Variants in USP6NL observed in about 807,000 individuals in gnomAD.
USP6NL encodes USP6 N-terminal-like protein.
Under a neutral mutation model 61.9 loss-of-function variants are expected in USP6NL, and 26 were observed. The observed-to-expected ratio is 0.42, with a 90% CI of 0.31 to 0.58. USP6NL has a LOEUF of 0.58. Ranked by LOEUF, USP6NL falls within the 20% of genes least tolerant of loss-of-function variation. The probability of loss-of-function intolerance (pLI) is 0.16; values close to 1 mark genes in which losing one functional copy is unlikely to be tolerated. For synonymous variants in USP6NL, 432 were observed against 390.1 expected (o/e 1.11, Z -1.27); for missense variants, 1,114 against 1,034.3 (o/e 1.08, Z -1.06).
At chr10:11,519,256 ATTGT>A (rs1166239333) in intron 4 of USP6NL, among the ~76,000 whole-genome samples, 2 of 152,182 alleles carry the variant, frequency 1.3e-5, no homozygotes, top group East Asian at 3.9e-4. Context: ...ATAATCAATG[ATTGT>A]TTAAAAAAAT....
At chr10:11,604,904 C>T (rs147692718) in intron 1 of USP6NL, among the ~76,000 whole-genome samples, 1 of 152,116 alleles carries the variant, frequency 6.6e-6, no homozygotes, top group African/African-American at 2.4e-5. Flanking sequence ...AAAGTATCTT[C>T]TCATACTATA....
At chr10:11,471,344 G>A (rs185659363) in intron 14 of USP6NL, among the ~76,000 whole-genome samples, 1 of 152,350 alleles carries the variant, frequency 6.6e-6, no homozygotes, top group African/African-American at 2.4e-5. Context: ...TGGAGAGGAT[G>A]TGGAGAAATA....
rs774836749 is a variant in USP6NL at position 11,518,571 on chromosome 10, C to A, written c.159G>T (p.Glu53Asp). 10 of 1,612,262 alleles carry A rather than the reference C, an allele frequency of 6.2e-6. No individual in the cohort carries two copies. Among genetic ancestry groups the A allele is most frequent in the Non-Finnish European group, 7.6e-6 (9 of 1,179,262 alleles). ...KVTDRFGFLH[E>D]EELPDHNVAV... ...CCACATTATGATCTGGGAGCTCCTC[C>A]TCACTGCAGAGGAAAAACAGTATTA... The change falls in exon 5 of 15, where the codon GAG (glutamate) becomes GAT (aspartate). Residue 53 changes from glutamate (E) to aspartate (D), a missense_variant. Transcript: ENST00000609104. This position sits in a 1 kb window ranked among gnomAD's most constrained non-coding sequence, Gnocchi z 5.3.
chr10:11,475,020 T>G (rs746893983), intron 14 of USP6NL, among the ~76,000 whole-genome samples: 6 of 152,190 alleles, frequency 3.9e-5, no homozygotes, highest in Non-Finnish European at 7.3e-5. Flanking sequence ...TCTTTGATTC[T>G]TCTATCTAGG....
rs1387972126 is a variant in USP6NL, at chr10:11,540,163, G to C, written c.5-12596C>G. 6.6e-6 allele frequency among the ~76,000 whole-genome samples: 1 copy of C among 152,174 alleles called. No individual in the cohort carries two copies. Among genetic ancestry groups the C allele is most frequent in the African/African-American group, 2.4e-5 (1 of 41,438 alleles). ...TAACAGCTGTACTTTCTGGATTCTA[G>C]TAGCCCTCCAATCTCATTACATGAA... On this transcript the variant is annotated intron_variant, in intron 2 of 14. Transcript: ENST00000609104. This position sits in a 1 kb window ranked among gnomAD's most constrained non-coding sequence, Gnocchi z 5.0.
At chr10:11,488,754 A>G (rs1242960833) in intron 10 of USP6NL, among the ~76,000 whole-genome samples, 1 of 152,236 alleles carries the variant, frequency 6.6e-6, no homozygotes, top group African/African-American at 2.4e-5. Context: ...TTTCATGACC[A>G]TCTAAAAGTT....
rs1450964741 is a variant in USP6NL, at chr10:11,596,449, G to A, written c.4+1182C>T. 2.0e-5 allele frequency among the ~76,000 whole-genome samples: 3 copies of A among 151,910 alleles called. No homozygotes were observed. Among genetic ancestry groups the A allele is most frequent in the South Asian group, 2.1e-4 (1 of 4,818 alleles). ...ATCCTGACTAACACGGTGAAACCCC[G>A]TCTCTACTAAAAATACAAAAAAAAA... On this transcript the variant is annotated intron_variant, in intron 2 of 14. Coordinates refer to ENST00000609104, the MANE Select transcript of USP6NL (RefSeq NM_014688.5). The surrounding 1 kb of genome is among the most constrained non-coding windows in gnomAD (Gnocchi z 4.1).
rs1834665344 is a variant in USP6NL, at chr10:11,510,596, TC to T, written c.196-922del. Among the ~76,000 whole-genome samples, 1 of 152,016 alleles carries T rather than the reference TC, an allele frequency of 6.6e-6. No individual in the cohort carries two copies. The highest frequency in any genetic ancestry group is 2.4e-5 in the African/African-American group (1 of 41,386). ...ATGCTCGCTCTTCACTTGTTTGGTTTCCAGGAGAAGGAATATTTTTTCCTAA... is the reference window on the plus strand; with the variant it reads ...ATGCTCGCTCTTCACTTGTTTGGTTTCAGGAGAAGGAATATTTTTTCCTAA... On this transcript the variant is annotated intron_variant, in intron 5 of 14. Transcript: ENST00000609104. The surrounding 1 kb of genome is among the most constrained non-coding windows in gnomAD (Gnocchi z 4.8).
At chr10:11,576,500 A>C (rs561048270) in intron 2 of USP6NL, among the ~76,000 whole-genome samples, 27 of 152,332 alleles carry the variant, frequency 1.8e-4, no homozygotes, top group Non-Finnish European at 2.9e-4. Flanking sequence ...GTGCCCTTAC[A>C]AGAGGTAATC....
chr10:11,483,725 C>T (rs1228199326), intron 13 of USP6NL, among the ~76,000 whole-genome samples: 21 of 114,946 alleles, frequency 1.8e-4, no homozygotes, highest in Admixed American at 9.7e-4. Context: ...GGGGCCGGTG[C>T]GGGGAGGAAG....
chr10:11,484,004 C>T (rs542810904), intron 13 of USP6NL, among the ~76,000 whole-genome samples: 1 of 152,218 alleles, frequency 6.6e-6, no homozygotes, highest in African/African-American at 2.4e-5. Context: ...TAGTAAAGTC[C>T]GTAACATGTA....
Position 11,463,870 on chromosome 10 carries a change from T to TAAGTA in USP6NL, c.1079-26_1079-22dup. ...TTTACCTGAAAAGAAAGAGAAAGGC[T>TAAGTA]AAGTAAGATAATACACGAGTAAACA... On this transcript the variant is annotated intron_variant, in intron 14 of 14. Transcript: ENST00000609104. This position sits in a 1 kb window ranked among gnomAD's most constrained non-coding sequence, Gnocchi z 6.3. 1 of 1,455,706 alleles carries TAAGTA rather than the reference T, an allele frequency of 6.9e-7. No homozygotes were observed. The highest frequency in any genetic ancestry group is 9.1e-7 in the Non-Finnish European group (1 of 1,102,070). The allele number at this position is 1,455,706 out of a possible 1,614,324, so 90.2% of individuals were successfully genotyped here. A position where few individuals can be genotyped will look rare whatever the true frequency, so the allele number is the denominator to read the frequency against.
chr10:11,485,838 C>A lies in USP6NL; in HGVS notation c.738G>T (p.Leu246=). 1 of 1,555,066 alleles carries A rather than the reference C, an allele frequency of 6.4e-7. No individual in the cohort carries two copies. The highest frequency in any genetic ancestry group is 8.7e-7 in the Non-Finnish European group (1 of 1,149,194). The stretch of plus-strand genomic sequence containing the variant: ...CTACCAAGTGTTGCTTAAGCTTGGA[C>A]AGAAATTTGTTCAGTATTTTTTCAT... The part of the protein sequence containing the change: ...EHHEKILNKF[L]SKLKQHLDSQ... Residue 246 remains leucine (L), a synonymous_variant, in exon 11 of 15, where the codon CTG becomes CTT. Coordinates refer to ENST00000609104, the MANE Select transcript of USP6NL (RefSeq NM_014688.5). The surrounding 1 kb of genome is among the most constrained non-coding windows in gnomAD (Gnocchi z 4.8).
rs1043084483 is a variant in USP6NL, at chr10:11,521,686, A to C, written c.156-3112T>G. Among the ~76,000 whole-genome samples the C allele has an allele frequency of 5.3e-5, 8 of 152,034 alleles. No homozygotes were observed. The South Asian group carries it at 8.3e-4, about 16-fold the overall frequency. ...TAAGCCACCGCGCCCGGCCAATGAT[A>C]CTCTTTAAAAACAAACCCACCTTTA... On this transcript the variant is annotated intron_variant, in intron 4 of 14. Transcript: ENST00000609104.
At position 11,501,148 on chromosome 10, in the gene USP6NL, G is replaced by C. The variant is rs372407112; in HGVS notation, c.337C>G (p.Leu113Val). 2.5e-6 allele frequency: 4 copies of C among 1,613,212 alleles called. No individual in the cohort carries two copies. The highest frequency in any genetic ancestry group is 3.4e-6 in the Non-Finnish European group (4 of 1,179,694). ...LQLRGEVWALLLEIPKMKEET... is the reference protein window; with the variant it reads ...LQLRGEVWALVLEIPKMKEET... ...TCTTTCATTTTAGGGATCTCAAGAA[G>C]GAGGGCCCAGACTTCACCTCTGAGC... The change falls in exon 7 of 15, where the codon CTT becomes GTT. Residue 113 changes from leucine to valine, a missense_variant. Transcript: ENST00000609104.
At chr10:11,608,233 T>C (rs1838769621) in intron 1 of USP6NL, among the ~76,000 whole-genome samples, 1 of 152,212 alleles carries the variant, frequency 6.6e-6, no homozygotes, top group South Asian at 2.1e-4. Flanking sequence ...AACTAACAAG[T>C]AATCCAATGC....
In USP6NL at chr10:11,482,250, T is replaced by C. The variant is rs1317523338; in HGVS notation, c.926-328A>G. Among the ~76,000 whole-genome samples the C allele has an allele frequency of 6.6e-6, 1 of 152,198 alleles. No homozygotes were observed. The highest frequency in any genetic ancestry group is 1.5e-5 in the Non-Finnish European group (1 of 68,024). ...TTCTTAGAGACAGACACAGAAAGAC[T>C]ACCTCAGCCGGCATGAGGCCTTTCT... On this transcript the variant is annotated intron_variant, in intron 13 of 14. Transcript: ENST00000609104. The surrounding 1 kb of genome is among the most constrained non-coding windows in gnomAD (Gnocchi z 4.0).
intron 6 of USP6NL, among the ~76,000 whole-genome samples, chr10:11,501,426 T>C (rs1283860604): frequency 6.6e-6 from 1 of 152,136 alleles, no homozygotes; most frequent in Admixed American, 6.5e-5. Context: ...TAACAAGAAA[T>C]TGTTAAGAAT....
At chr10:11,583,334 C>A (rs1048126623) in intron 2 of USP6NL, among the ~76,000 whole-genome samples, 1 of 151,726 alleles carries the variant, frequency 6.6e-6, no homozygotes, top group Non-Finnish European at 1.5e-5. Context: ...ACTACAAGAG[C>A]CCGCCACTGT....
Sources: gnomAD v4.1 joint callset for allele counts (sites outside exome capture counted in the v4.1 genomes callset) on GRCh38, gnomAD v4.1.1 for gene constraint, Gnocchi (gnomAD v3.1) non-coding constraint, MANE v1.5 for transcripts, NCBI Gene and HGNC (gene_info 2026-07-23, HGNC 2026-07-21) for gene names.